The following ADAMTS6 variants were observed in gnomAD, a reference collection of about 807,000 sequenced individuals.
The protein encoded by ADAMTS6 is ADAM metallopeptidase with thrombospondin type 1 motif 6.
In ADAMTS6, 23 loss-of-function variants were observed where a neutral mutation model predicts 144.3. The observed-to-expected ratio is 0.16, with a 90% CI of 0.11 to 0.23. The LOEUF is 0.23. Among genes scored for constraint, ADAMTS6 ranks in the 10% least tolerant of loss-of-function variants. The pLI is 1.00. For synonymous variants in ADAMTS6, 444 were observed against 457.5 expected (o/e 0.97, Z 0.38); for missense variants, 999 against 1,379.6 (o/e 0.72, Z 4.37).
chr5:65,246,711 T>C (rs1194205451), intron 14 of ADAMTS6, among the ~76,000 whole-genome samples: 1 of 152,108 alleles, frequency 6.6e-6, no homozygotes, highest in East Asian at 1.9e-4. Flanking sequence ...CAGAATAGTA[T>C]AGAGAATGGA....
chr5:65,455,452 G>T (rs1365224101), intron 4 of ADAMTS6, among the ~76,000 whole-genome samples: 3 of 152,064 alleles, frequency 2.0e-5, no homozygotes, highest in Non-Finnish European at 4.4e-5. Flanking sequence ...TGAGGCAGGA[G>T]AATCACTTGA....
intron 9 of ADAMTS6, among the ~76,000 whole-genome samples, chr5:65,300,670 C>T (rs1201509802): frequency 2.0e-5 from 3 of 151,618 alleles, no homozygotes; most frequent in South Asian, 2.1e-4. Context: ...CTTGCTCTGT[C>T]GTCCAGGCTG....
intron 18 of ADAMTS6, among the ~76,000 whole-genome samples, chr5:65,220,563 G>A (rs951640486): frequency 2.6e-5 from 4 of 152,186 alleles, no homozygotes; most frequent in South Asian, 2.1e-4. Context: ...TGGCTAACAC[G>A]GTGAAACCCC....
intron 7 of ADAMTS6, among the ~76,000 whole-genome samples, chr5:65,366,704 A>G (rs559740374): frequency 6.6e-6 from 1 of 152,326 alleles, no homozygotes; most frequent in East Asian, 1.9e-4. Context: ...AGTTCAGATT[A>G]TTCTAAGTAT....
chr5:65,178,036 C>G (rs1334155653), intron 22 of ADAMTS6, among the ~76,000 whole-genome samples: 1 of 152,220 alleles, frequency 6.6e-6, no homozygotes, highest in African/African-American at 2.4e-5. Context: ...AGGGAGGAAA[C>G]TTAGCTTCCT....
At position 65,206,871 on chromosome 5, in the gene ADAMTS6, T is replaced by TAC. The variant is rs369239207; in HGVS notation, c.2575+7921_2575+7922dup. ...ACACACACACACACACACACACAAATACACACACACACAGACTCATACATT... is the reference window on the plus strand; with the variant it reads ...ACACACACACACACACACACACAAATACACACACACACACAGACTCATACATT... On this transcript the variant is annotated intron_variant, in intron 20 of 24. Coordinates refer to ENST00000381055, the MANE Select transcript of ADAMTS6 (RefSeq NM_197941.4). 5.7e-4 allele frequency among the ~76,000 whole-genome samples: 78 copies of TAC among 135,804 alleles called. 1 individual carries two copies. The highest frequency in any genetic ancestry group is 7.6e-4 in the Non-Finnish European group (47 of 62,182). The allele number at this position is 135,804 out of a possible 152,430, so 89.1% of individuals were successfully genotyped here.
chr5:65,179,448 C>T (rs10940017), intron 22 of ADAMTS6, among the ~76,000 whole-genome samples: 84,038 of 151,706 alleles, frequency 0.55, 24,431 homozygotes, highest in Non-Finnish European at 0.65. Flanking sequence ...AGGTGTTAGC[C>T]AAAACAAAAG....
chr5:65,463,976 C>A (rs908756214), intron 3 of ADAMTS6, among the ~76,000 whole-genome samples: 1 of 152,218 alleles, frequency 6.6e-6, no homozygotes, highest in Non-Finnish European at 1.5e-5. Flanking sequence ...CAAACAAACA[C>A]CAGCATTGAA....
At chr5:65,265,276 A>C (rs748462635) in intron 12 of ADAMTS6, among the ~76,000 whole-genome samples, 24 of 152,100 alleles carry the variant, frequency 1.6e-4, no homozygotes, top group Non-Finnish European at 2.6e-4. Context: ...GCAGCTGGCT[A>C]AACCAATAAT....
chr5:65,474,256 G>C (rs544774660), intron 1 of ADAMTS6, among the ~76,000 whole-genome samples: 1 of 152,186 alleles, frequency 6.6e-6, no homozygotes, highest in African/African-American at 2.4e-5. Flanking sequence ...ACTTCCTTTT[G>C]ATAAAATAAA....
At chr5:65,208,871 C>G (rs879653600) in intron 20 of ADAMTS6, among the ~76,000 whole-genome samples, 1 of 152,150 alleles carries the variant, frequency 6.6e-6, no homozygotes, top group Non-Finnish European at 1.5e-5. Context: ...GTGTCTACCC[C>G]AGAGCCCCGA....
In ADAMTS6 at chr5:65,268,242, T is replaced by C. The variant is rs188739733; in HGVS notation, c.1620+5098A>G. On this transcript the variant is annotated intron_variant, in intron 12 of 24. Coordinates refer to ENST00000381055, the MANE Select transcript of ADAMTS6 (RefSeq NM_197941.4). The stretch of plus-strand genomic sequence containing the variant: ...ATACTGGGCTATATCTCTAATTGGG[T>C]CTTGTAGAGTCATTAAATCAATCTA... 3.0e-4 allele frequency among the ~76,000 whole-genome samples: 45 copies of C among 152,294 alleles called. 1 individual carries two copies. In the East Asian group the frequency reaches 8.1e-3, roughly 27 times the overall value.
rs534657078 is a variant in ADAMTS6 at position 65,456,477 on chromosome 5, C to T, written c.632-3559G>A. ...CAGCCATTCACCATTATTTCATTGA[C>T]CTGCTTTATTTTTGTTCATAGTACT... On this transcript the variant is annotated intron_variant, in intron 4 of 24. Coordinates refer to ENST00000381055, the MANE Select transcript of ADAMTS6 (RefSeq NM_197941.4). Among the ~76,000 whole-genome samples, 12 of 152,214 alleles carry T rather than the reference C, an allele frequency of 7.9e-5. No homozygotes were observed. In the South Asian group the frequency reaches 2.3e-3, roughly 29 times the overall value.
At chr5:65,381,479 C>A (rs562916113) in intron 7 of ADAMTS6, among the ~76,000 whole-genome samples, 6 of 150,512 alleles carry the variant, frequency 4.0e-5, no homozygotes, top group African/African-American at 1.5e-4. Context: ...TCTCCTGTCT[C>A]AGCCTCCAGA....
At chr5:65,456,911 T>C (rs1425001464) in intron 4 of ADAMTS6, among the ~76,000 whole-genome samples, 1 of 152,340 alleles carries the variant, frequency 6.6e-6, no homozygotes, top group Admixed American at 6.5e-5. Context: ...AATATCTGAA[T>C]ATAAGATAAA....
chr5:65,208,243 C>G (rs940086151), intron 20 of ADAMTS6, among the ~76,000 whole-genome samples: 1 of 152,150 alleles, frequency 6.6e-6, no homozygotes, highest in African/African-American at 2.4e-5. Context: ...GTTTCAAAAG[C>G]AGTACTTCTC....
chr5:65,209,220 C>T (rs575797449), intron 20 of ADAMTS6, among the ~76,000 whole-genome samples: 1 of 152,268 alleles, frequency 6.6e-6, no homozygotes, highest in East Asian at 1.9e-4. Flanking sequence ...TACAACTTTC[C>T]CTACCCAGAC....
At chr5:65,258,116 T>C (rs1328119460) in intron 14 of ADAMTS6, among the ~76,000 whole-genome samples, 1 of 152,250 alleles carries the variant, frequency 6.6e-6, no homozygotes, top group African/African-American at 2.4e-5. Flanking sequence ...ATATAGGTGA[T>C]AGAAGGGCAG....
intron 7 of ADAMTS6, among the ~76,000 whole-genome samples, chr5:65,448,833 T>C (rs1758497577): frequency 6.6e-6 from 1 of 152,146 alleles, no homozygotes; most frequent in African/African-American, 2.4e-5. Flanking sequence ...ATCTTACCCA[T>C]AAACAGTCAG....
Sources: allele counts gnomAD v4.1 joint callset (sites outside exome capture counted in the v4.1 genomes callset), GRCh38; gene constraint gnomAD v4.1.1; transcripts MANE v1.5; gene names NCBI Gene and HGNC (gene_info 2026-07-23, HGNC 2026-07-21).